ANK2: variants seen among roughly 807,000 people sequenced by gnomAD.
The protein encoded by ANK2 is ankyrin 2.
Under a neutral mutation model 360.5 loss-of-function variants are expected in ANK2, and 83 were observed. The ratio of observed to expected loss-of-function variants is 0.23; its 90% CI spans 0.19 to 0.28. The LOEUF (loss-of-function observed/expected upper bound fraction) is 0.28, where lower values mean the gene tolerates loss of function less well. Among genes scored for constraint, ANK2 ranks in the 10% least tolerant of loss-of-function variants. ANK2 has a pLI of 1.00. For synonymous variants in ANK2, 1,740 were observed against 1,759.5 expected (o/e 0.99, Z 0.28); for missense variants, 4,201 against 4,795.7 (o/e 0.88, Z 3.66).
chr4:113,305,061 C>G (rs1046574185), intron 23 of ANK2, among the ~76,000 whole-genome samples: 2 of 151,988 alleles, frequency 1.3e-5, no homozygotes, highest in African/African-American at 4.8e-5. Flanking sequence ...ATAGCCTCGG[C>G]CGGGCGCGGT....
At chr4:113,298,694 G>A (rs7684377) in intron 22 of ANK2, among the ~76,000 whole-genome samples, 73,178 of 151,892 alleles carry the variant, frequency 0.48, 17,933 homozygotes, top group Non-Finnish European at 0.52. Flanking sequence ...TGTACTTAGT[G>A]TCCTACTCAT....
intron 17 of ANK2, among the ~76,000 whole-genome samples, chr4:113,279,951 T>C (rs928723341): frequency 6.6e-6 from 1 of 152,140 alleles, no homozygotes; most frequent in African/African-American, 2.4e-5. Flanking sequence ...GTTCATATCA[T>C]ATTCATTTGC....
intron 26 of ANK2, among the ~76,000 whole-genome samples, chr4:113,321,012 A>G (rs2085905445): frequency 6.6e-6 from 1 of 152,244 alleles, no homozygotes; most frequent in Non-Finnish European, 1.5e-5. Context: ...ATTTAAAGTT[A>G]GAAGACACTT....
At chr4:113,059,962 G>A (rs1204256247) in intron 1 of ANK2, among the ~76,000 whole-genome samples, 1 of 152,102 alleles carries the variant, frequency 6.6e-6, no homozygotes, top group Non-Finnish European at 1.5e-5. Context: ...GAGAGTAGCT[G>A]ATCAAACTGA....
At chr4:112,983,015 C>G (rs2154273532) in intron 2 of ANK2, among the ~76,000 whole-genome samples, 1 of 152,226 alleles carries the variant, frequency 6.6e-6, no homozygotes, top group Non-Finnish European at 1.5e-5. Context: ...CTGATGCATA[C>G]CGCATTTTAG....
intron 26 of ANK2, among the ~76,000 whole-genome samples, chr4:113,327,306 C>G (rs573844564): frequency 6.6e-6 from 1 of 152,148 alleles, no homozygotes; most frequent in South Asian, 2.1e-4. Flanking sequence ...CAAAGGAAAT[C>G]AATGTATTAG....
intron 1 of ANK2, among the ~76,000 whole-genome samples, chr4:113,149,407 G>A (rs1340811138): frequency 6.6e-6 from 1 of 151,946 alleles, no homozygotes; most frequent in Admixed American, 6.6e-5. Context: ...AGTTTAAATG[G>A]TATAGTATTG....
At chr4:112,780,186 C>CA in the ANK2 span, among the ~76,000 whole-genome samples, 31,098 of 130,322 alleles carry the variant, frequency 0.24, 3,577 homozygotes, top group East Asian at 0.38. Flanking sequence ...GACTCTGTCT[C>CA]AAAAAAAAAA....
In ANK2 at chr4:113,330,418, G is replaced by T; in HGVS notation, c.3073G>T (p.Gly1025Cys). Residue 1025 changes from glycine to cysteine, a missense_variant, in exon 27 of 46, where the codon GGC becomes TGC. Around this residue, in one of 4 missense-constraint regions of ANK2, gnomAD observed 1,268 missense variants for 1,650.8 expected, o/e 0.77. Transcript: ENST00000357077. ...ATMPPMVEGE[G>C]LASRLIEVGP... ...AATGCCTCCAATGGTGGAAGGAGAAGGCCTGGCCAGTCGCCTGATCGAAGT... is the reference window on the plus strand; with the variant it reads ...AATGCCTCCAATGGTGGAAGGAGAATGCCTGGCCAGTCGCCTGATCGAAGT... 1 of 1,614,226 alleles carries T rather than the reference G, an allele frequency of 6.2e-7. No homozygotes were observed. The highest frequency in any genetic ancestry group is 8.5e-7 in the Non-Finnish European group (1 of 1,180,044).
chr4:113,328,151 A>C (rs1056897020), intron 26 of ANK2, among the ~76,000 whole-genome samples: 16 of 152,236 alleles, frequency 1.1e-4, no homozygotes, highest in Non-Finnish European at 1.8e-4. Flanking sequence ...AATGCCTTCA[A>C]AGGTATAAAT....
chr4:113,150,728 ACACT>A (rs983491014), intron 1 of ANK2, among the ~76,000 whole-genome samples: 12 of 152,340 alleles, frequency 7.9e-5, no homozygotes, highest in African/African-American at 2.9e-4. Flanking sequence ...GGAAGTTCAC[ACACT>A]CAGTATTGGA....
intron 1 of ANK2, among the ~76,000 whole-genome samples, chr4:113,100,216 G>A (rs183275953): frequency 4.6e-5 from 7 of 152,114 alleles, no homozygotes; most frequent in Admixed American, 2.0e-4. Flanking sequence ...AAAAATCTTT[G>A]CAAAACACAT....
chr4:112,866,690 A>AT (rs746776042), intron 1 of ANK2, among the ~76,000 whole-genome samples: 2 of 151,216 alleles, frequency 1.3e-5, no homozygotes, highest in Non-Finnish European at 3.0e-5. Context: ...TTCTCGTGTT[A>AT]TTTTTTTTTA....
At chr4:112,996,022 G>T (rs959407302) in intron 2 of ANK2, among the ~76,000 whole-genome samples, 1 of 152,176 alleles carries the variant, frequency 6.6e-6, no homozygotes, top group Non-Finnish European at 1.5e-5. Flanking sequence ...AGACTTCTAT[G>T]CAGATACTTA....
intron 1 of ANK2, among the ~76,000 whole-genome samples, chr4:113,108,597 A>G (rs1266180989): frequency 6.6e-6 from 1 of 152,176 alleles, no homozygotes; most frequent in Non-Finnish European, 1.5e-5. Flanking sequence ...CAGCATTTAT[A>G]GAGAAAATGG....
Position 112,916,162 on chromosome 4 carries a change from T to A in ANK2, c.21+11648T>A, listed in dbSNP as rs1207834492. The stretch of plus-strand genomic sequence containing the variant: ...CTTGTGAATTTTGAATGTTACAATT[T>A]CTGAATTAATAAACCAGTCACATGA... On this transcript the variant is annotated intron_variant, in intron 2 of 30. Transcript: ENST00000503271. Among the ~76,000 whole-genome samples, 5 of 152,332 alleles carry A rather than the reference T, an allele frequency of 3.3e-5. No individual in the cohort carries two copies. The East Asian group carries it at 9.6e-4, about 29-fold the overall frequency.
chr4:113,147,491 A>G (rs1295101205), intron 1 of ANK2, among the ~76,000 whole-genome samples: 2 of 152,196 alleles, frequency 1.3e-5, no homozygotes, highest in Admixed American at 1.3e-4. Context: ...ATCTTCTGCT[A>G]AAGGTTTTAT....
the ANK2 span, among the ~76,000 whole-genome samples, chr4:112,771,565 A>T: frequency 3.3e-5 from 5 of 150,096 alleles, no homozygotes; most frequent in African/African-American, 9.8e-5. Context: ...AAAGGGCATG[A>T]TCTAATGGGA....
chr4:113,356,550 G>A lies in ANK2; in HGVS notation c.7932G>A (p.Glu2644=), dbSNP rs201645638. The A allele has an allele frequency of 3.2e-5, 52 of 1,614,114 alleles. No homozygotes were observed. In the East Asian group the frequency reaches 9.8e-4, roughly 30 times the overall value. The stretch of plus-strand genomic sequence containing the variant: ...AACCAAAACATACAGGCAGTGGGGA[G>A]GATGAAAGTGGTGTCCCTGTGTTAG... ...VDEPKHTGSG[E]DESGVPVLVT... is the part of the protein sequence containing the mutation. Residue 2644 remains glutamate (E), a synonymous_variant, in exon 38 of 46, where the codon GAG becomes GAA. Coordinates refer to ENST00000357077, the MANE Select transcript of ANK2 (RefSeq NM_001148.6).
Sources: allele counts gnomAD v4.1 joint callset (sites outside exome capture counted in the v4.1 genomes callset), GRCh38; gene constraint gnomAD v4.1.1; regional missense constraint gnomAD v4.1.1; transcripts MANE v1.5; gene names NCBI Gene and HGNC (gene_info 2026-07-23, HGNC 2026-07-21).